The following LRRN3 variants were observed in gnomAD, a reference collection of about 807,000 sequenced individuals.
LRRN3 encodes the protein leucine-rich repeat neuronal protein 3.
In LRRN3, 15 loss-of-function variants were observed where a neutral mutation model predicts 40.1. The observed-to-expected ratio is 0.37, with a 90% CI of 0.25 to 0.58. The LOEUF is 0.58. LRRN3 is among the 20% of genes least tolerant of loss of function. The probability of loss-of-function intolerance (pLI) is 0.72; values close to 1 mark genes in which losing one functional copy is unlikely to be tolerated. For synonymous variants in LRRN3, 308 were observed against 297.2 expected (o/e 1.04, Z -0.37); for missense variants, 746 against 837.7 (o/e 0.89, Z 1.35).
At chr7:111,113,036 T>C (rs1799429340) in intron 2 of LRRN3, among the ~76,000 whole-genome samples, 4 of 152,312 alleles carry the variant, frequency 2.6e-5, no homozygotes, top group African/African-American at 9.6e-5. Flanking sequence ...ATGAGAACCA[T>C]ATTTTATTAT....
intron 2 of LRRN3, among the ~76,000 whole-genome samples, chr7:111,108,330 G>A (rs1356538488): frequency 6.6e-6 from 1 of 152,068 alleles, no homozygotes; most frequent in Non-Finnish European, 1.5e-5. Context: ...AATTCTGAAA[G>A]TCTGTGGCAC....
chr7:111,118,337 A>T (rs528484866), intron 2 of LRRN3, among the ~76,000 whole-genome samples: 1 of 152,138 alleles, frequency 6.6e-6, no homozygotes, highest in Non-Finnish European at 1.5e-5. Context: ...TACTAAGGAA[A>T]AGTAGCTTTA....
intron 2 of LRRN3, among the ~76,000 whole-genome samples, chr7:111,101,638 T>A (rs1231077088): frequency 3.7e-4 from 56 of 151,700 alleles, no homozygotes; most frequent in African/African-American, 1.3e-3. Flanking sequence ...GTATATTTCC[T>A]GTGAAATATA....
intron 2 of LRRN3, among the ~76,000 whole-genome samples, chr7:111,116,437 C>T (rs182894399): frequency 3.3e-5 from 5 of 152,208 alleles, no homozygotes; most frequent in African/African-American, 9.6e-5. Flanking sequence ...CTCTAAAAGA[C>T]AGCATCCATT....
rs1410518242 is a variant in LRRN3, at chr7:111,118,804, T to A, written c.-358-3611T>A. Among the ~76,000 whole-genome samples the A allele has an allele frequency of 3.3e-5, 5 of 152,232 alleles. No individual in the cohort carries two copies. In the East Asian group the frequency reaches 9.6e-4, roughly 29 times the overall value. The stretch of plus-strand genomic sequence containing the variant: ...AAACGATAAATTTCTATATTCTCTA[T>A]TGTGTTTCCCATACTATTGCTTCCT... On this transcript the variant is annotated intron_variant, in intron 2 of 2. Coordinates refer to ENST00000308478, the MANE Select transcript of LRRN3 (RefSeq NM_001099658.2).
chr7:111,117,269 T>G (rs1799998826), intron 2 of LRRN3, among the ~76,000 whole-genome samples: 1 of 152,148 alleles, frequency 6.6e-6, no homozygotes, highest in African/African-American at 2.4e-5. Flanking sequence ...TCTTTGATGT[T>G]CACAGAATAG....
Position 111,124,383 on chromosome 7 carries a change from T to G in LRRN3, c.1611T>G (p.Val537=). ...TAAGAGATATTCAGGCCAATTCAGT[T>G]TTGGTGTCCTGGAAAGCAAGTTCTA... is the stretch of plus-strand genomic sequence containing the variant. The part of the protein sequence containing the change: ...IKIRDIQANS[V]LVSWKASSKI... Residue 537 remains valine (V), a synonymous_variant, in exon 3 of 3, where the codon GTT becomes GTG. Coordinates refer to ENST00000308478, the MANE Select transcript of LRRN3 (RefSeq NM_001099658.2). The G allele has an allele frequency of 6.2e-7, 1 of 1,613,786 alleles. No individual in the cohort carries two copies. Among genetic ancestry groups the G allele is most frequent in the Middle Eastern group, 1.7e-4 (1 of 6,056 alleles).
chr7:111,102,436 C>T (rs1798075020), intron 2 of LRRN3, among the ~76,000 whole-genome samples: 1 of 151,506 alleles, frequency 6.6e-6, no homozygotes, highest in African/African-American at 2.4e-5. Context: ...GTCATCCAGT[C>T]AGTTTTCAAG....
In LRRN3 at chr7:111,123,253, A is replaced by T; in HGVS notation, c.481A>T (p.Ile161Phe). 6.2e-7 allele frequency: 1 copy of T among 1,613,874 alleles called. No homozygotes were observed. ...TTCTACAATTTCACCTGGAGCCTTT[A>T]TTGGCCTACATAATCTTCTTCGACT... is the stretch of plus-strand genomic sequence containing the variant. ...LLSTISPGAF[I>F]GLHNLLRLHL... The change falls in exon 3 of 3, where the codon ATT (isoleucine) becomes TTT (phenylalanine). Residue 161 changes from isoleucine (I) to phenylalanine (F), a missense_variant. By Grantham distance (21) the Ile-to-Phe change is conservative. Transcript: ENST00000308478. The surrounding 1 kb of genome is among the most constrained non-coding windows in gnomAD (Gnocchi z 6.4).
rs533149745 is a variant in LRRN3, at chr7:111,112,913, C to A, written c.-358-9502C>A. On this transcript the variant is annotated intron_variant, in intron 2 of 2. Coordinates refer to ENST00000308478, the MANE Select transcript of LRRN3 (RefSeq NM_001099658.2). ...CTTGTTTATTGCATTTGAAAAAATT[C>A]TTTCAAACTGAAGGAGCTAATTTTA... 4.7e-4 allele frequency among the ~76,000 whole-genome samples: 72 copies of A among 152,256 alleles called. 1 individual carries two copies. Among genetic ancestry groups the A allele is most frequent in the Non-Finnish European group, 7.5e-4 (51 of 68,010 alleles).
intron 2 of LRRN3, among the ~76,000 whole-genome samples, chr7:111,112,691 A>C (rs1042620095): frequency 1.3e-5 from 2 of 152,238 alleles, no homozygotes; most frequent in East Asian, 1.9e-4. Flanking sequence ...ACAGAGCATG[A>C]GGGAAATCTG....
intron 2 of LRRN3, among the ~76,000 whole-genome samples, chr7:111,117,389 G>A (rs886154732): frequency 8.6e-5 from 13 of 152,008 alleles, no homozygotes; most frequent in Admixed American, 5.2e-4. Context: ...CCTGTCCCCA[G>A]TTACAAAATC....
chr7:111,113,243 T>G (rs978562729), intron 2 of LRRN3, among the ~76,000 whole-genome samples: 4 of 152,212 alleles, frequency 2.6e-5, no homozygotes, highest in Admixed American at 6.5e-5. Context: ...TGACTTTCTA[T>G]TCTGTCAAAC....
At chr7:111,097,000 GT>G (rs776324069) in intron 1 of LRRN3, 3 of 151,782 alleles carry the variant, frequency 2.0e-5, no homozygotes, top group Non-Finnish European at 4.4e-5. Context: ...ATCTTCTAAA[GT>G]TTGTCATTTC....
chr7:111,123,786 A>T lies in LRRN3; in HGVS notation c.1014A>T (p.Ser338=), dbSNP rs886088738. The change falls in exon 3 of 3, where the codon TCA becomes TCT. Residue 338 remains serine, a synonymous_variant. Transcript: ENST00000308478. The surrounding 1 kb of genome is among the most constrained non-coding windows in gnomAD (Gnocchi z 6.4). ...NAFFRLPKLE[S]LMLNSNALSA... is the part of the protein sequence containing the mutation. ...TTTTCAGACTCCCCAAGCTGGAATC[A>T]CTCATGCTGAACAGCAATGCTCTCA... 2 of 1,613,832 alleles carry T rather than the reference A, an allele frequency of 1.2e-6. No individual in the cohort carries two copies. Among genetic ancestry groups the T allele is most frequent in the Admixed American group, 3.3e-5 (2 of 59,944 alleles).
intron 2 of LRRN3, among the ~76,000 whole-genome samples, chr7:111,108,617 C>A (rs1667334591): frequency 6.6e-6 from 1 of 152,000 alleles, no homozygotes. Context: ...ATTTATGATT[C>A]TTTTTAAACA....
chr7:111,115,955 G>C (rs1799830937), intron 2 of LRRN3, among the ~76,000 whole-genome samples: 1 of 152,120 alleles, frequency 6.6e-6, no homozygotes, highest in African/African-American at 2.4e-5. Context: ...GGGATTACAG[G>C]CATGAGCCAC....
chr7:111,106,196 A>T (rs1325694905), intron 2 of LRRN3, among the ~76,000 whole-genome samples: 2 of 151,884 alleles, frequency 1.3e-5, no homozygotes, highest in Non-Finnish European at 1.5e-5. Flanking sequence ...TCCTTTACCT[A>T]CTTACTTCTC....
chr7:111,115,585 G>A (rs981928902), intron 2 of LRRN3, among the ~76,000 whole-genome samples: 9 of 151,974 alleles, frequency 5.9e-5, no homozygotes, highest in African/African-American at 2.2e-4. Flanking sequence ...AATTATAGCT[G>A]TACTATAACT....
Sources: allele counts gnomAD v4.1 joint callset (sites outside exome capture counted in the v4.1 genomes callset), GRCh38; gene constraint gnomAD v4.1.1; non-coding constraint Gnocchi (gnomAD v3.1); transcripts MANE v1.5; gene names NCBI Gene and HGNC (gene_info 2026-07-23, HGNC 2026-07-21).